Variants in COP1 observed in about 807,000 individuals in gnomAD.
COP1 encodes the protein COP1 E3 ubiquitin ligase.
COP1 carries 24 observed loss-of-function variants against 101.3 expected under a neutral mutation model. That is an observed-to-expected ratio of 0.24 (90% confidence interval 0.17 to 0.33). The LOEUF (loss-of-function observed/expected upper bound fraction) is 0.33, where lower values mean the gene tolerates loss of function less well. COP1 is among the 10% of genes least tolerant of loss of function. COP1 has a pLI of 1.00. For missense variants in COP1, 663 were observed against 906.2 expected (o/e 0.73, Z 3.45); for synonymous variants, 347 against 341.9 (o/e 1.01, Z -0.17).
At chr1:176,081,376 T>C (rs982301618) in intron 10 of COP1, 89 bp from the exon 11 acceptor site, 7 of 1,032,464 alleles carry the variant, frequency 6.8e-6, no homozygotes, top group Admixed American at 3.0e-5. Flanking sequence ...AAAATTTATA[T>C]TCTAAATACA....
Position 176,067,226 on chromosome 1 carries a change from GA to G in COP1, c.1277+13925del, listed in dbSNP as rs146735323. On this transcript the variant is annotated intron_variant, in intron 11 of 19. Coordinates refer to ENST00000367669, the MANE Select transcript of COP1 (RefSeq NM_022457.7). Reference sequence around the variant, plus strand: ...CAAATTGTAACAAACTGATATGGGAGAGGGGCAGTGAAGTGCTGGGAGGAGA... The same window carrying G: ...CAAATTGTAACAAACTGATATGGGAGGGGGCAGTGAAGTGCTGGGAGGAGA... 5.1e-3 allele frequency among the ~76,000 whole-genome samples: 782 copies of G among 152,256 alleles called. 8 individuals are homozygous for G. The highest frequency in any genetic ancestry group is 8.4e-3 in the Non-Finnish European group (572 of 68,022).
chr1:176,074,661 C>T (rs2502826), intron 11 of COP1, among the ~76,000 whole-genome samples: 114,355 of 151,862 alleles, frequency 0.75, 44,889 homozygotes, highest in East Asian at 0.92. Flanking sequence ...AATGTTTTCA[C>T]ATAAATGTCA....
chr1:176,079,898 T>C (rs1005995143), intron 11 of COP1, among the ~76,000 whole-genome samples: 4 of 151,936 alleles, frequency 2.6e-5, no homozygotes, highest in Non-Finnish European at 4.4e-5. Context: ...CTGGGTGCAG[T>C]TGTAGTCCCA....
At chr1:176,085,251 G>A (rs1033202184) in intron 10 of COP1, among the ~76,000 whole-genome samples, 4 of 151,090 alleles carry the variant, frequency 2.6e-5, no homozygotes, top group Admixed American at 1.3e-4. Flanking sequence ...TTTTCAATTC[G>A]GCCTGGATTT....
Position 176,083,666 on chromosome 1 carries a change from T to C in COP1, c.1141+2110A>G, listed in dbSNP as rs188863129. 7.4e-5 allele frequency among the ~76,000 whole-genome samples: 11 copies of C among 148,062 alleles called. No individual in the cohort carries two copies. The East Asian group carries it at 2.2e-3, about 30-fold the overall frequency. On this transcript the variant is annotated intron_variant, in intron 10 of 19. Coordinates refer to ENST00000367669, the MANE Select transcript of COP1 (RefSeq NM_022457.7). Reference sequence around the variant, plus strand: ...AGTTAAAACTCCAAAGTAATAGTTCTTTAATATTCATCTTTCATTTTAATA... The same window carrying C: ...AGTTAAAACTCCAAAGTAATAGTTCCTTAATATTCATCTTTCATTTTAATA...
At chr1:176,113,945 GT>G (rs11435143) in intron 9 of COP1, among the ~76,000 whole-genome samples, 21 of 144,864 alleles carry the variant, frequency 1.4e-4, no homozygotes, top group African/African-American at 4.3e-4. Flanking sequence ...TCAGGGTAGG[GT>G]TTTTTTTTTT....
intron 11 of COP1, among the ~76,000 whole-genome samples, chr1:176,059,720 A>C (rs1674517289): frequency 6.6e-6 from 1 of 152,108 alleles, no homozygotes; most frequent in Non-Finnish European, 1.5e-5. Context: ...TGACCTCGTG[A>C]TCCACCTGCC....
intron 5 of COP1, among the ~76,000 whole-genome samples, chr1:176,150,390 A>T (rs1244199296): frequency 6.6e-6 from 1 of 152,250 alleles, no homozygotes; most frequent in South Asian, 2.1e-4. Context: ...AGAATCATGA[A>T]GATTGAAATT....
intron 1 of COP1, among the ~76,000 whole-genome samples, chr1:176,188,243 A>T (rs2102090514): frequency 6.6e-6 from 1 of 152,208 alleles, no homozygotes; most frequent in East Asian, 1.9e-4. Flanking sequence ...CAAGCCAAAA[A>T]CTTTAAAGAA....
intron 15 of COP1, among the ~76,000 whole-genome samples, chr1:176,009,308 A>G (rs1010117727): frequency 1.3e-5 from 2 of 152,208 alleles, no homozygotes; most frequent in African/African-American, 4.8e-5. Flanking sequence ...TAGTAACAAT[A>G]TTCTAATATT....
intron 3 of COP1, among the ~76,000 whole-genome samples, chr1:176,167,342 A>G (rs757333702): frequency 1.3e-5 from 2 of 152,232 alleles, no homozygotes; most frequent in Non-Finnish European, 2.9e-5. Flanking sequence ...TAAAGCATTT[A>G]ATGATCAGTG....
intron 3 of COP1, among the ~76,000 whole-genome samples, chr1:176,164,295 C>T (rs1694768272): frequency 6.6e-6 from 1 of 152,084 alleles, no homozygotes; most frequent in African/African-American, 2.4e-5. Flanking sequence ...CTTTGTAATT[C>T]TTCTAAAAAT....
At chr1:176,156,961 G>T (rs1272778227) in intron 5 of COP1, among the ~76,000 whole-genome samples, 1 of 152,124 alleles carries the variant, frequency 6.6e-6, no homozygotes, top group Non-Finnish European at 1.5e-5. Context: ...ACTTTTGGAG[G>T]CCAAGGCAGG....
intron 8 of COP1, chr1:176,134,003 G>A (rs1029432906): frequency 5.2e-6 from 2 of 385,954 alleles, no homozygotes; most frequent in African/African-American, 2.1e-5. Context: ...AATAACACCA[G>A]AATTAACGAA....
intron 8 of COP1, among the ~76,000 whole-genome samples, chr1:176,122,798 A>C (rs537216740): frequency 3.9e-5 from 6 of 152,204 alleles, no homozygotes; most frequent in Non-Finnish European, 8.8e-5. Context: ...TTTTTTTGTA[A>C]GAGGAGTTTC....
intron 1 of COP1, among the ~76,000 whole-genome samples, chr1:176,187,378 CAT>C (rs968329258): frequency 7.0e-6 from 1 of 142,388 alleles, no homozygotes; most frequent in African/African-American, 2.6e-5. Flanking sequence ...ACTATATACA[CAT>C]ATATATACAC....
chr1:176,175,618 C>T (rs956395963), intron 3 of COP1, among the ~76,000 whole-genome samples: 6 of 152,242 alleles, frequency 3.9e-5, no homozygotes, highest in Non-Finnish European at 8.8e-5. Context: ...TCACCTCCTG[C>T]TGTGCAGCCC....
intron 11 of COP1, among the ~76,000 whole-genome samples, chr1:176,074,923 A>G (rs1677703933): frequency 6.6e-6 from 1 of 152,140 alleles, no homozygotes; most frequent in Non-Finnish European, 1.5e-5. Context: ...TACATTTCTG[A>G]AGTCCTTAAA....
intron 11 of COP1, among the ~76,000 whole-genome samples, chr1:176,077,681 G>C: frequency 6.6e-6 from 1 of 152,056 alleles, no homozygotes; most frequent in East Asian, 1.9e-4. Context: ...GAAATAAATG[G>C]CATCCAAATA....
Sources: gnomAD v4.1 joint callset for allele counts (sites outside exome capture counted in the v4.1 genomes callset) on GRCh38, gnomAD v4.1.1 for gene constraint, MANE v1.5 for transcripts, NCBI Gene and HGNC (gene_info 2026-07-23, HGNC 2026-07-21) for gene names.